Variants in EDARADD observed in about 807,000 individuals in gnomAD.
EDARADD encodes ectodysplasin-A receptor-associated adapter protein.
Under a neutral mutation model 25.6 loss-of-function variants are expected in EDARADD, and 20 were observed. That is an observed-to-expected ratio of 0.78 (90% CI 0.55 to 1.14). EDARADD has a LOEUF of 1.14. Ranked by LOEUF, EDARADD falls within the 50% of genes most tolerant of loss-of-function variation. The probability of loss-of-function intolerance (pLI) is 0.00; values close to 1 mark genes in which losing one functional copy is unlikely to be tolerated. For synonymous variants in EDARADD, 86 were observed against 94.4 expected (o/e 0.91, Z 0.52); for missense variants, 225 against 270.1 (o/e 0.83, Z 1.17).
At chr1:236,469,641 A>C (rs896357645) in intron 5 of EDARADD, among the ~76,000 whole-genome samples, 3 of 152,158 alleles carry the variant, frequency 2.0e-5, no homozygotes, top group African/African-American at 7.2e-5. Context: ...AGCTATCATC[A>C]GCCCAGGTAA....
At chr1:236,354,208 C>A (rs1666950217) in intron 3 of EDARADD, among the ~76,000 whole-genome samples, 1 of 152,152 alleles carries the variant, frequency 6.6e-6, no homozygotes, top group African/African-American at 2.4e-5. Context: ...GCAGCGCCTA[C>A]CCAGGAAACA....
chr1:236,484,784 T>C lies in EDARADD; in HGVS notation c.*2135T>C, dbSNP rs1332665242. On this transcript the variant is annotated 3_prime_UTR_variant, in exon 6 of 6. Coordinates refer to ENST00000334232, the MANE Select transcript of EDARADD (RefSeq NM_145861.4). This position sits in a 1 kb window ranked among gnomAD's most constrained non-coding sequence, Gnocchi z 4.1. ...CCTGTTGGCAGCTCTAGCCTTGCAG[T>C]CATGTAATTGGCCCAAATCACCGGA... 4.7e-6 allele frequency: 1 copy of C among 212,414 alleles called. No homozygotes were observed. Among genetic ancestry groups the C allele is most frequent in the Non-Finnish European group, 9.5e-6 (1 of 105,346 alleles). 13.2% of individuals were successfully genotyped at this position (212,414 alleles called of 1,614,324 possible). A position where few individuals can be genotyped will look rare whatever the true frequency, so the allele number is the denominator to read the frequency against.
intron 4 of EDARADD, among the ~76,000 whole-genome samples, chr1:236,443,334 T>G (rs935812775): frequency 1.3e-5 from 2 of 152,208 alleles, no homozygotes; most frequent in African/African-American, 4.8e-5. Context: ...TTGGTAAGAC[T>G]AAAAATAGTG....
intron 3 of EDARADD, among the ~76,000 whole-genome samples, chr1:236,383,089 G>A (rs546012559): frequency 1.3e-5 from 2 of 152,116 alleles, no homozygotes; most frequent in South Asian, 2.1e-4. Flanking sequence ...TCTCTGCGCT[G>A]CAACTTAGAA....
At position 236,483,208 on chromosome 1, in the gene EDARADD, G is replaced by A. The variant is rs542062444; in HGVS notation, c.*559G>A. 36 of 1,583,076 alleles carry A rather than the reference G, an allele frequency of 2.3e-5. No homozygotes were observed. The highest frequency in any genetic ancestry group is 5.4e-5 in the African/African-American group (4 of 74,326). ...CATGCCAGGGAGCTCTTTGACTCTCGTGGGAATCCCACTGTTGAGGTTGAT... is the reference window on the plus strand; with the variant it reads ...CATGCCAGGGAGCTCTTTGACTCTCATGGGAATCCCACTGTTGAGGTTGAT... On this transcript the variant is annotated 3_prime_UTR_variant, in exon 6 of 6. Transcript: ENST00000334232.
At chr1:236,430,030 A>G (rs1658052322) in intron 4 of EDARADD, among the ~76,000 whole-genome samples, 1 of 152,216 alleles carries the variant, frequency 6.6e-6, no homozygotes, top group South Asian at 2.1e-4. Flanking sequence ...TAATAGTAAC[A>G]TTGCTGGGTA....
intron 3 of EDARADD, among the ~76,000 whole-genome samples, chr1:236,359,404 T>C (rs1207116840): frequency 6.6e-6 from 1 of 152,212 alleles, no homozygotes; most frequent in Non-Finnish European, 1.5e-5. Context: ...CTTTTGGCCT[T>C]CAACCTTCCG....
At chr1:236,446,634 C>T (rs907954263) in intron 4 of EDARADD, among the ~76,000 whole-genome samples, 1 of 151,944 alleles carries the variant, frequency 6.6e-6, no homozygotes, top group African/African-American at 2.4e-5. Flanking sequence ...GTATACAATA[C>T]AAAAAATTAG....
chr1:236,388,962 A>G (rs896380122), intron 3 of EDARADD, among the ~76,000 whole-genome samples: 1 of 151,756 alleles, frequency 6.6e-6, no homozygotes, highest in Non-Finnish European at 1.5e-5. Context: ...TTGTTTTTCC[A>G]TTTGTCCTTT....
chr1:236,459,611 CTT>C (rs397860471), intron 4 of EDARADD, among the ~76,000 whole-genome samples: 2,145 of 100,350 alleles, frequency 0.021, 31 homozygotes, highest in Middle Eastern at 0.076. Context: ...TTATTTAGCT[CTT>C]TTTTTTTTTT....
At position 236,484,027 on chromosome 1, in the gene EDARADD, C is replaced by T; in HGVS notation, c.*1378C>T. On this transcript the variant is annotated 3_prime_UTR_variant, in exon 6 of 6. Coordinates refer to ENST00000334232, the MANE Select transcript of EDARADD (RefSeq NM_145861.4). This position sits in a 1 kb window ranked among gnomAD's most constrained non-coding sequence, Gnocchi z 4.1. The stretch of plus-strand genomic sequence containing the variant: ...TACAAGTCCTTCATCAAAAACTACC[C>T]AGTGGTGTCTACTGAAGATCCCTTT... The T allele has an allele frequency of 1.3e-6, 2 of 1,509,620 alleles. No individual in the cohort carries two copies. The highest frequency in any genetic ancestry group is 1.8e-6 in the Non-Finnish European group (2 of 1,086,638). The allele number at this position is 1,509,620 out of a possible 1,614,324, so 93.5% of individuals were successfully genotyped here.
upstream of EDARADD, among the ~76,000 whole-genome samples, chr1:236,392,944 C>T (rs1305957572): frequency 6.6e-6 from 1 of 151,896 alleles, no homozygotes. Flanking sequence ...TGCTGGGATC[C>T]AGCTAATATT....
intron 2 of EDARADD, among the ~76,000 whole-genome samples, chr1:236,409,603 C>A (rs1168377299): frequency 6.6e-6 from 1 of 151,850 alleles, no homozygotes; most frequent in Non-Finnish European, 1.5e-5. Flanking sequence ...GCTCTCTCAC[C>A]CAGGCTGGAG....
intron 4 of EDARADD, among the ~76,000 whole-genome samples, chr1:236,445,381 C>A (rs1283252398): frequency 6.6e-6 from 1 of 152,016 alleles, no homozygotes; most frequent in Non-Finnish European, 1.5e-5. Flanking sequence ...GCATGTGCCA[C>A]CACGCCCGGC....
chr1:236,430,255 G>A (rs1658058780), intron 4 of EDARADD, among the ~76,000 whole-genome samples: 2 of 152,164 alleles, frequency 1.3e-5, no homozygotes, highest in Non-Finnish European at 1.5e-5. Context: ...ATGGGCTTCT[G>A]TGCTTACTGA....
At chr1:236,415,840 T>C (rs1040736310) in intron 3 of EDARADD, among the ~76,000 whole-genome samples, 3 of 151,556 alleles carry the variant, frequency 2.0e-5, no homozygotes, top group African/African-American at 7.3e-5. Context: ...AGGGGTGGGA[T>C]GGGGTGGAGT....
At chr1:236,445,900 T>C (rs1460705732) in intron 4 of EDARADD, among the ~76,000 whole-genome samples, 1 of 152,166 alleles carries the variant, frequency 6.6e-6, no homozygotes, top group Non-Finnish European at 1.5e-5. Context: ...TTCCTTTTTC[T>C]CAGCAGTTCC....
At chr1:236,441,057 CA>C (rs1658384056) in intron 4 of EDARADD, among the ~76,000 whole-genome samples, 1 of 151,682 alleles carries the variant, frequency 6.6e-6, no homozygotes, top group East Asian at 1.9e-4. Flanking sequence ...GCTAAACAGC[CA>C]AGTTATGAAT....
At chr1:236,447,138 TTTCCTTCC>T (rs1350005177) in intron 4 of EDARADD, among the ~76,000 whole-genome samples, 1 of 127,856 alleles carries the variant, frequency 7.8e-6, no homozygotes, top group African/African-American at 2.9e-5. Flanking sequence ...TCTCTCTCTC[TTTCCTTCC>T]TTCCTTCCTC....
Sources: allele counts gnomAD v4.1 joint callset (sites outside exome capture counted in the v4.1 genomes callset), GRCh38; gene constraint gnomAD v4.1.1; non-coding constraint Gnocchi (gnomAD v3.1); transcripts MANE v1.5; gene names NCBI Gene and HGNC (gene_info 2026-07-23, HGNC 2026-07-21).